Variants in EYS observed in about 807,000 individuals in gnomAD.
The protein encoded by EYS is protein eyes shut homolog.
In EYS, 250 loss-of-function variants were observed where a neutral mutation model predicts 282.1. The observed-to-expected ratio is 0.89, with a 90% CI of 0.80 to 0.98. The LOEUF (loss-of-function observed/expected upper bound fraction) is 0.98, where lower values mean the gene tolerates loss of function less well. Ranked by LOEUF, EYS falls within the 50% of genes least tolerant of loss-of-function variation. The pLI, the probability that EYS is intolerant of heterozygous loss-of-function variation, is 0.00. For synonymous variants in EYS, 1,355 were observed against 1,282.9 expected, an observed-to-expected ratio of 1.06 and a Z score of -1.20; for missense variants, 4,016 against 3,709.0, an observed-to-expected ratio of 1.08 and a Z score of -2.15.
chr6:63,854,168 A>G (rs562881948), intron 36 of EYS, among the ~76,000 whole-genome samples: 55 of 152,364 alleles, frequency 3.6e-4, no homozygotes, highest in African/African-American at 1.3e-3. Context: ...TGTTCATTGC[A>G]GCACTATTCA....
intron 35 of EYS, among the ~76,000 whole-genome samples, chr6:63,957,019 G>A (rs1055235534): frequency 4.6e-5 from 7 of 152,160 alleles, no homozygotes; most frequent in African/African-American, 1.7e-4. Context: ...CTTTTGCACA[G>A]ATTGATAAAT....
intron 28 of EYS, among the ~76,000 whole-genome samples, chr6:64,398,302 G>A (rs78074081): frequency 0.031 from 4,717 of 151,966 alleles, 230 homozygotes; most frequent in African/African-American, 0.11. Flanking sequence ...TTCTCTTTCA[G>A]TAAGAAACTT....
At chr6:65,380,035 C>T (rs534577440) in intron 8 of EYS, among the ~76,000 whole-genome samples, 148 of 152,060 alleles carry the variant, frequency 9.7e-4, no homozygotes, top group African/African-American at 3.0e-3. Flanking sequence ...GTGAAAATGG[C>T]CATACTGCCC....
At chr6:64,916,583 G>A (rs1768172572) in intron 15 of EYS, among the ~76,000 whole-genome samples, 1 of 152,168 alleles carries the variant, frequency 6.6e-6, no homozygotes, top group South Asian at 2.1e-4. Flanking sequence ...CATATTTGAT[G>A]TGAGGGCTTC....
chr6:65,009,704 C>T (rs1428208087), intron 13 of EYS, among the ~76,000 whole-genome samples: 2 of 152,150 alleles, frequency 1.3e-5, no homozygotes, highest in African/African-American at 2.4e-5. Flanking sequence ...TTTCAGAAAC[C>T]TTGTGCCATC....
intron 18 of EYS, among the ~76,000 whole-genome samples, chr6:64,897,532 C>A (rs181336415): frequency 2.0e-5 from 3 of 152,194 alleles, no homozygotes; most frequent in South Asian, 4.2e-4. Context: ...TTTTAAAAAC[C>A]AGAATGCCTC....
At chr6:64,993,866 T>A (rs1324768952) in intron 14 of EYS, among the ~76,000 whole-genome samples, 1 of 151,102 alleles carries the variant, frequency 6.6e-6, no homozygotes, top group Non-Finnish European at 1.5e-5. Context: ...GGGGGAAAAG[T>A]TAAACCTGTA....
intron 29 of EYS, among the ~76,000 whole-genome samples, chr6:64,335,119 TA>T (rs1297790900): frequency 6.6e-6 from 1 of 152,070 alleles, no homozygotes; most frequent in Non-Finnish European, 1.5e-5. Flanking sequence ...TGCTCTTTAC[TA>T]ATCTACATTT....
At chr6:65,270,944 G>A (rs1319462694) in intron 12 of EYS, among the ~76,000 whole-genome samples, 1 of 151,200 alleles carries the variant, frequency 6.6e-6, no homozygotes, top group Non-Finnish European at 1.5e-5. Context: ...GCCCTCACCA[G>A]AATTGTCTTT....
chr6:64,615,199 C>T (rs1242832501), intron 24 of EYS, among the ~76,000 whole-genome samples: 6 of 152,086 alleles, frequency 3.9e-5, no homozygotes, highest in African/African-American at 1.4e-4. Context: ...TTTTCTAATT[C>T]TTATAACTGC....
chr6:65,403,266 T>C (rs191160404), intron 6 of EYS, among the ~76,000 whole-genome samples: 77 of 152,166 alleles, frequency 5.1e-4, no homozygotes, highest in African/African-American at 1.3e-3. Context: ...CATGCATCCA[T>C]GGGCAGGTAA....
chr6:64,327,821 G>T lies in EYS; in HGVS notation c.6079-20739C>A, dbSNP rs146958790. 5.6e-4 allele frequency among the ~76,000 whole-genome samples: 86 copies of T among 152,256 alleles called. No homozygotes were observed. The South Asian group carries it at 9.5e-3, about 17-fold the overall frequency. Reference sequence around the variant, plus strand: ...GCACCAATTTATCCATCCCTGGCAAGGCTTAGACAGGAAGCTGCCCCAGCT... The same window carrying T: ...GCACCAATTTATCCATCCCTGGCAATGCTTAGACAGGAAGCTGCCCCAGCT... On this transcript the variant is annotated intron_variant, in intron 29 of 42. Coordinates refer to ENST00000503581, the MANE Select transcript of EYS (RefSeq NM_001142800.2).
At position 64,403,637 on chromosome 6, in the gene EYS, G is replaced by C. The variant is rs190481243; in HGVS notation, c.5928-14797C>G. Among the ~76,000 whole-genome samples, 364 of 152,240 alleles carry C rather than the reference G, an allele frequency of 2.4e-3. 2 individuals carry two copies. The highest frequency in any genetic ancestry group is 8.4e-3 in the African/African-American group (349 of 41,544). ...TTCCCAAAGTGCTGGGATTACAGGC[G>C]TGAGCTACTGTGCCCACCCTGAAAG... On this transcript the variant is annotated intron_variant, in intron 28 of 42. Coordinates refer to ENST00000503581, the MANE Select transcript of EYS (RefSeq NM_001142800.2).
chr6:63,721,722 A>G lies in EYS; in HGVS notation c.8309T>C (p.Leu2770Pro), dbSNP rs1186771860. 4 of 1,551,212 alleles carry G rather than the reference A, an allele frequency of 2.6e-6. No homozygotes were observed. In the East Asian group the frequency reaches 9.8e-5, roughly 38 times the overall value. The change falls in exon 43 of 43, where the codon CTA (leucine) becomes CCA (proline). Residue 2770 changes from leucine to proline, a missense_variant. Leu to Pro is a moderately conservative substitution (Grantham distance 98). Coordinates refer to ENST00000503581, the MANE Select transcript of EYS (RefSeq NM_001142800.2). ...RYNLGDRTII[L>P]ETLQKVTING... Reference sequence around the variant, plus strand: ...TATAGTTACTTTTTGGAGAGTTTCTAGAATGATAGTTCTGTCGCCAAGGTT... The same window carrying G: ...TATAGTTACTTTTTGGAGAGTTTCTGGAATGATAGTTCTGTCGCCAAGGTT...
chr6:63,749,379 T>C (rs1769285395), intron 41 of EYS, among the ~76,000 whole-genome samples: 1 of 152,224 alleles, frequency 6.6e-6, no homozygotes, highest in Non-Finnish European at 1.5e-5. Flanking sequence ...CTTTTGCATT[T>C]GCTGAGGAGT....
intron 2 of EYS, 146 bp from the exon 3 acceptor site, chr6:65,496,139 T>C (rs1766250484): frequency 6.6e-6 from 1 of 152,082 alleles, no homozygotes; most frequent in Non-Finnish European, 1.5e-5. Flanking sequence ...TATATGAAAA[T>C]TCTGTTGTGC....
intron 22 of EYS, among the ~76,000 whole-genome samples, chr6:64,810,432 T>C (rs1162861322): frequency 5.3e-5 from 8 of 152,014 alleles, no homozygotes; most frequent in Non-Finnish European, 1.2e-4. Flanking sequence ...CAGCACTTAC[T>C]ATATCATCCT....
chr6:64,190,620 G>C (rs1562245446), intron 31 of EYS, among the ~76,000 whole-genome samples: 1 of 152,164 alleles, frequency 6.6e-6, no homozygotes. Flanking sequence ...AAAACCCAAA[G>C]ATCTTATGGG....
intron 1 of EYS, among the ~76,000 whole-genome samples, chr6:65,687,175 A>T (rs961389177): frequency 1.3e-5 from 2 of 152,114 alleles, no homozygotes; most frequent in Non-Finnish European, 2.9e-5. Context: ...AAGCATAAAA[A>T]ATGCAACTGA....
Sources: allele counts gnomAD v4.1 joint callset (sites outside exome capture counted in the v4.1 genomes callset), GRCh38; gene constraint gnomAD v4.1.1; transcripts MANE v1.5; gene names NCBI Gene and HGNC (gene_info 2026-07-23, HGNC 2026-07-21).